The following ARHGAP39 variants were observed in gnomAD, a reference collection of about 807,000 sequenced individuals.
ARHGAP39 encodes rho GTPase-activating protein 39.
ARHGAP39 carries 44 observed loss-of-function variants against 106.9 expected under a neutral mutation model. The ratio of observed to expected loss-of-function variants is 0.41; its 90% CI spans 0.32 to 0.53. The LOEUF (loss-of-function observed/expected upper bound fraction) is 0.53. Ranked by LOEUF, ARHGAP39 falls within the 20% of genes least tolerant of loss-of-function variation. The pLI, the probability that ARHGAP39 is intolerant of heterozygous loss-of-function variation, is 0.21. For missense variants in ARHGAP39, 1,496 were observed against 1,577.3 expected, an observed-to-expected ratio of 0.95 and a Z score of 0.87; for synonymous variants, 768 against 693.2, an observed-to-expected ratio of 1.11 and a Z score of -1.69.
chr8:144,644,733 G>A lies in ARHGAP39; in HGVS notation c.-81-39038C>T, dbSNP rs563806428. On this transcript the variant is annotated intron_variant, in intron 1 of 11. Transcript: ENST00000377307. This position sits in a 1 kb window ranked among gnomAD's most constrained non-coding sequence, Gnocchi z 4.8. Reference sequence around the variant, plus strand: ...CCCAGGCCAAACCACGTCCCTGTCCGTGACTTCGCACCTGGCCTTTCAGCA... The same window carrying A: ...CCCAGGCCAAACCACGTCCCTGTCCATGACTTCGCACCTGGCCTTTCAGCA... Among the ~76,000 whole-genome samples, 36 of 152,278 alleles carry A rather than the reference G, an allele frequency of 2.4e-4. No homozygotes were observed. In the East Asian group the frequency reaches 3.9e-3, roughly 16 times the overall value.
intron 1 of ARHGAP39, among the ~76,000 whole-genome samples, chr8:144,607,867 G>A (rs1033378319): frequency 6.6e-6 from 1 of 152,162 alleles, no homozygotes; most frequent in African/African-American, 2.4e-5. Flanking sequence ...TTTTAAAAAT[G>A]AAACTCAGGC....
At chr8:144,602,370 T>A (rs559041722) in intron 2 of ARHGAP39, among the ~76,000 whole-genome samples, 2 of 137,122 alleles carry the variant, frequency 1.5e-5, no homozygotes, top group African/African-American at 5.5e-5. Flanking sequence ...GAGGTGTGTG[T>A]GCGAGCTCAT....
chr8:144,633,927 G>C (rs943429626), intron 1 of ARHGAP39, among the ~76,000 whole-genome samples: 3 of 152,232 alleles, frequency 2.0e-5, no homozygotes, highest in African/African-American at 7.2e-5. Context: ...AAAGATACAT[G>C]AATACAAGTT....
At chr8:144,601,899 G>A (rs1245799591) in intron 2 of ARHGAP39, among the ~76,000 whole-genome samples, 7 of 145,886 alleles carry the variant, frequency 4.8e-5, no homozygotes, top group African/African-American at 1.5e-4. Flanking sequence ...CCATGGAGGC[G>A]TGCATGTGCT....
chr8:144,532,374 C>T lies in ARHGAP39; in HGVS notation c.2911G>A (p.Val971Met). Residue 971 changes from valine to methionine, a missense_variant, in exon 10 of 12, where the codon GTG (valine) becomes ATG (methionine). Around this residue, in one of 4 missense-constraint regions of ARHGAP39, gnomAD observed 470 missense variants for 605.1 expected, o/e 0.78. Coordinates refer to ENST00000377307, the MANE Select transcript of ARHGAP39 (RefSeq NM_025251.3). ...IFRVPGDIDE[V>M]NALKLQVDQW... ...TCCACCTGCAGCTTCAGGGCATTCA[C>T]CTCGTCAATGTCCCCAGGGACCCTG... is the stretch of plus-strand genomic sequence containing the variant. The T allele has an allele frequency of 1.9e-6, 3 of 1,611,204 alleles. No individual in the cohort carries two copies. The highest frequency in any genetic ancestry group is 2.5e-6 in the Non-Finnish European group (3 of 1,179,096).
chr8:144,533,374 C>T, intron 8 of ARHGAP39, 49 bp from the exon 9 acceptor site: 11 of 1,558,194 alleles, frequency 7.1e-6, no homozygotes, highest in African/African-American at 1.4e-5. Context: ...ATCCTCAGGA[C>T]CCCCCGCCAC....
At chr8:144,619,434 C>A (rs1024148646) in intron 1 of ARHGAP39, among the ~76,000 whole-genome samples, 39 of 150,406 alleles carry the variant, frequency 2.6e-4, no homozygotes, top group African/African-American at 9.3e-4. Context: ...CCGTGTGTCC[C>A]TGAGACAGCA....
rs1255394998 is a variant in ARHGAP39 at position 144,542,518 on chromosome 8, C to A, written c.2521+2731G>T. Reference sequence around the variant, plus strand: ...AAGAACTGTGCTGCAGCCTAGCTGGCCCTCCACAGTACAGGCTATATCCGA... The same window carrying A: ...AAGAACTGTGCTGCAGCCTAGCTGGACCTCCACAGTACAGGCTATATCCGA... On this transcript the variant is annotated intron_variant, in intron 6 of 11. Coordinates refer to ENST00000377307, the MANE Select transcript of ARHGAP39 (RefSeq NM_025251.3). 2.6e-5 allele frequency among the ~76,000 whole-genome samples: 4 copies of A among 152,194 alleles called. No individual in the cohort carries two copies. In the East Asian group the frequency reaches 7.7e-4, roughly 29 times the overall value.
At chr8:144,601,226 G>C (rs1405544615) in intron 2 of ARHGAP39, among the ~76,000 whole-genome samples, 1 of 139,196 alleles carries the variant, frequency 7.2e-6, no homozygotes, top group Non-Finnish European at 1.5e-5. Context: ...GCGTGTGCAA[G>C]CTCATGTACC....
At chr8:144,654,464 A>C (rs752495615) in intron 1 of ARHGAP39, among the ~76,000 whole-genome samples, 1 of 152,154 alleles carries the variant, frequency 6.6e-6, no homozygotes, top group Admixed American at 6.5e-5. Context: ...TGATCACACT[A>C]CTGCATTCCA....
At chr8:144,590,671 A>G (rs920108415) in intron 2 of ARHGAP39, among the ~76,000 whole-genome samples, 2 of 152,250 alleles carry the variant, frequency 1.3e-5, no homozygotes, top group African/African-American at 4.8e-5. Context: ...CAGCCTGCAG[A>G]AGGCTGGGGG....
intron 4 of ARHGAP39, among the ~76,000 whole-genome samples, chr8:144,554,555 G>A (rs558632462): frequency 1.3e-5 from 2 of 152,286 alleles, no homozygotes; most frequent in African/African-American, 4.8e-5. Context: ...GGTCCACTAA[G>A]CACATGCTGG....
chr8:144,643,199 C>T lies in ARHGAP39; in HGVS notation c.-81-37504G>A, dbSNP rs962669102. 3.3e-5 allele frequency among the ~76,000 whole-genome samples: 5 copies of T among 152,072 alleles called. No homozygotes were observed. The East Asian group carries it at 5.8e-4, about 18-fold the overall frequency. ...TATTAAGAGATGGTGTGGTGGCTCA[C>T]GTTTGTAATTGTAGCACTTTGGGAG... is the stretch of plus-strand genomic sequence containing the variant. On this transcript the variant is annotated intron_variant, in intron 1 of 11. Coordinates refer to ENST00000377307, the MANE Select transcript of ARHGAP39 (RefSeq NM_025251.3).
intron 1 of ARHGAP39, among the ~76,000 whole-genome samples, chr8:144,631,345 C>G (rs947150674): frequency 2.0e-5 from 3 of 152,224 alleles, no homozygotes; most frequent in African/African-American, 4.8e-5. Context: ...GTCCTTCTGC[C>G]CTTCTTTCTG....
At chr8:144,640,632 C>T (rs1258500150) in intron 1 of ARHGAP39, among the ~76,000 whole-genome samples, 1 of 152,168 alleles carries the variant, frequency 6.6e-6, no homozygotes, top group Non-Finnish European at 1.5e-5. Flanking sequence ...AGCACACTTA[C>T]AAAGCAACAC....
chr8:144,619,584 CTG>C (rs142168270), intron 1 of ARHGAP39, among the ~76,000 whole-genome samples: 1,751 of 146,908 alleles, frequency 0.012, 19 homozygotes, highest in Non-Finnish European at 0.014. Flanking sequence ...GTGTGTGAGA[CTG>C]TGTGTCCCTG....
chr8:144,621,690 C>T (rs1563712779), intron 1 of ARHGAP39, among the ~76,000 whole-genome samples: 1 of 152,146 alleles, frequency 6.6e-6, no homozygotes, highest in Non-Finnish European at 1.5e-5. Flanking sequence ...TGGTGGTGCA[C>T]ATCCATAGTC....
At chr8:144,594,088 C>CAAAAAA (rs149748913) in intron 2 of ARHGAP39, among the ~76,000 whole-genome samples, 31 of 56,912 alleles carry the variant, frequency 5.4e-4, no homozygotes, top group African/African-American at 1.6e-3. Flanking sequence ...GACTCCGTCT[C>CAAAAAA]AAAAAAAAAA....
chr8:144,595,842 G>A (rs1563694241), intron 2 of ARHGAP39, among the ~76,000 whole-genome samples: 5 of 152,140 alleles, frequency 3.3e-5, no homozygotes, highest in Admixed American at 2.0e-4. Flanking sequence ...TGCCAGGGGC[G>A]CCAGTGTCCC....
Sources: gnomAD v4.1 joint callset for allele counts (sites outside exome capture counted in the v4.1 genomes callset) on GRCh38, gnomAD v4.1.1 for gene constraint, gnomAD v4.1.1 regional missense constraint, Gnocchi (gnomAD v3.1) non-coding constraint, MANE v1.5 for transcripts, NCBI Gene and HGNC (gene_info 2026-07-23, HGNC 2026-07-21) for gene names.